Variants in MTUS2 observed in about 807,000 individuals in gnomAD.
MTUS2 encodes the protein microtubule-associated tumor suppressor candidate 2.
In MTUS2, 40 loss-of-function variants were observed where a neutral mutation model predicts 114.1. The ratio of observed to expected loss-of-function variants is 0.35; its 90% CI spans 0.27 to 0.46. MTUS2 has a LOEUF of 0.46. Ranked by LOEUF, MTUS2 falls within the 20% of genes least tolerant of loss-of-function variation. The probability of loss-of-function intolerance (pLI) is 1.00; values close to 1 mark genes in which losing one functional copy is unlikely to be tolerated. For synonymous variants in MTUS2, 688 were observed against 672.0 expected, an observed-to-expected ratio of 1.02 and a Z score of -0.37; for missense variants, 1,679 against 1,705.4, an observed-to-expected ratio of 0.98 and a Z score of 0.27.
At chr13:28,891,952 C>T (rs1004760805) in intron 2 of MTUS2, among the ~76,000 whole-genome samples, 6 of 151,422 alleles carry the variant, frequency 4.0e-5, no homozygotes, top group Non-Finnish European at 8.8e-5. Context: ...TTTGGTCTAG[C>T]TTCTCCCCTA....
chr13:28,820,203 G>A (rs561958180), upstream of MTUS2: 7 of 146,862 alleles, frequency 4.8e-5, no homozygotes, highest in African/African-American at 7.3e-5. Flanking sequence ...GGGAGCGCCT[G>A]GGCGTCGTGC....
chr13:29,389,463 A>ATGTATACACGTGTG, intron 8 of MTUS2, among the ~76,000 whole-genome samples: 14 of 46,278 alleles, frequency 3.0e-4, no homozygotes, highest in African/African-American at 5.7e-4. Flanking sequence ...ACGTGTGTGT[A>ATGTATACACGTGTG]TGTGTATATG....
chr13:28,878,183 T>C (rs1878060982), intron 2 of MTUS2, among the ~76,000 whole-genome samples: 5 of 151,666 alleles, frequency 3.3e-5, no homozygotes, highest in African/African-American at 7.3e-5. Context: ...CTTTCAAACA[T>C]TGAGCTTTGT....
At chr13:29,448,293 T>G (rs763388070) in intron 9 of MTUS2, among the ~76,000 whole-genome samples, 3 of 152,170 alleles carry the variant, frequency 2.0e-5, no homozygotes, top group Admixed American at 6.5e-5. Context: ...TTGATGTGAA[T>G]GAACCAATGA....
intron 2 of MTUS2, among the ~76,000 whole-genome samples, chr13:28,849,161 A>G (rs748862495): frequency 1.8e-4 from 28 of 152,244 alleles, no homozygotes; most frequent in Non-Finnish European, 4.4e-5. Flanking sequence ...TGTTAAATGC[A>G]TAAGTGCATA....
intron 5 of MTUS2, among the ~76,000 whole-genome samples, chr13:29,264,479 A>G (rs1357037043): frequency 1.3e-5 from 2 of 152,138 alleles, no homozygotes; most frequent in African/African-American, 4.8e-5. Flanking sequence ...GGATGCTCCA[A>G]CCCCACATTT....
At chr13:28,967,562 C>T (rs1883654113) in intron 2 of MTUS2, among the ~76,000 whole-genome samples, 1 of 152,152 alleles carries the variant, frequency 6.6e-6, no homozygotes, top group African/African-American at 2.4e-5. Context: ...CATGGAAAAG[C>T]TTCTATCAAG....
At chr13:28,970,476 A>G (rs1345313580) in intron 2 of MTUS2, among the ~76,000 whole-genome samples, 1 of 152,186 alleles carries the variant, frequency 6.6e-6, no homozygotes, top group Non-Finnish European at 1.5e-5. Context: ...CTGTCTTCAC[A>G]CTGCAACAGC....
At chr13:29,420,744 AAT>A (rs1258832976) in intron 8 of MTUS2, among the ~76,000 whole-genome samples, 1 of 152,158 alleles carries the variant, frequency 6.6e-6, no homozygotes, top group East Asian at 1.9e-4. Context: ...TCAGTTGTCC[AAT>A]ATTGTCCAAC....
At chr13:28,866,398 G>A (rs1259420528) in intron 2 of MTUS2, among the ~76,000 whole-genome samples, 1 of 152,138 alleles carries the variant, frequency 6.6e-6, no homozygotes, top group Non-Finnish European at 1.5e-5. Context: ...AGGTGTCCAC[G>A]GAGAGCATGA....
At chr13:29,416,317 C>T (rs1289186407) in intron 8 of MTUS2, among the ~76,000 whole-genome samples, 2 of 151,938 alleles carry the variant, frequency 1.3e-5, no homozygotes, top group Non-Finnish European at 2.9e-5. Context: ...TGTCTTCCAT[C>T]CCTTAGCCAG....
intron 5 of MTUS2, among the ~76,000 whole-genome samples, chr13:29,149,975 A>G (rs933018555): frequency 6.6e-6 from 1 of 151,946 alleles, no homozygotes; most frequent in African/African-American, 2.4e-5. Flanking sequence ...GTTCTTTTTG[A>G]TTAGGATTGC....
intron 4 of MTUS2, among the ~76,000 whole-genome samples, chr13:29,099,882 T>C (rs962192359): frequency 6.6e-6 from 1 of 152,230 alleles, no homozygotes; most frequent in Admixed American, 6.5e-5. Context: ...ATCATTGCAG[T>C]TGCTATTGCT....
intron 5 of MTUS2, among the ~76,000 whole-genome samples, chr13:29,114,903 A>G (rs772520059): frequency 2.1e-4 from 32 of 152,222 alleles, no homozygotes; most frequent in Admixed American, 3.9e-4. Flanking sequence ...TTTTTTAAGT[A>G]GGTGCTTAGA....
At chr13:29,274,865 G>A (rs1330967608) in intron 5 of MTUS2, among the ~76,000 whole-genome samples, 3 of 152,210 alleles carry the variant, frequency 2.0e-5, no homozygotes, top group Admixed American at 2.0e-4. Flanking sequence ...AAGTAGCTGG[G>A]ACTATAGGTG....
At chr13:28,854,978 G>A (rs1462388953) in intron 2 of MTUS2, among the ~76,000 whole-genome samples, 2 of 152,120 alleles carry the variant, frequency 1.3e-5, no homozygotes, top group Non-Finnish European at 2.9e-5. Context: ...CAGGGGTGGT[G>A]CTAGCTTCCA....
chr13:29,307,110 C>T (rs1899505996), intron 6 of MTUS2: 2 of 478,584 alleles, frequency 4.2e-6, no homozygotes, highest in Non-Finnish European at 8.0e-6. Context: ...CTGGGGCTCA[C>T]TTGCAGGGAG....
chr13:29,084,792 TC>T (rs988112525), intron 4 of MTUS2, among the ~76,000 whole-genome samples: 5 of 119,040 alleles, frequency 4.2e-5, no homozygotes, highest in African/African-American at 1.8e-4. Flanking sequence ...CCCCCCCCCC[TC>T]ACCGTTGGCC....
chr13:28,939,015 A>G (rs776444359), intron 2 of MTUS2, among the ~76,000 whole-genome samples: 4 of 152,220 alleles, frequency 2.6e-5, no homozygotes, highest in Non-Finnish European at 5.9e-5. Context: ...TAGACTTTTC[A>G]GGAATTAACC....
Sources: allele counts gnomAD v4.1 joint callset (sites outside exome capture counted in the v4.1 genomes callset), GRCh38; gene constraint gnomAD v4.1.1; transcripts MANE v1.5; gene names NCBI Gene and HGNC (gene_info 2026-07-23, HGNC 2026-07-21).